Variants in FOXP1 observed in about 807,000 individuals in gnomAD.
FOXP1 encodes the protein forkhead box P1.
Under a neutral mutation model 98.2 loss-of-function variants are expected in FOXP1, and 15 were observed. The ratio of observed to expected loss-of-function variants is 0.15; its 90% CI spans 0.10 to 0.24. FOXP1 has a LOEUF of 0.24. FOXP1 is among the 10% of genes least tolerant of loss of function. The pLI, the probability that FOXP1 is intolerant of heterozygous loss-of-function variation, is 1.00. For missense variants in FOXP1, 633 were observed against 848.5 expected (o/e 0.75, Z 3.15); for synonymous variants, 371 against 314.5 (o/e 1.18, Z -1.90).
At chr3:71,412,814 T>A (rs1022604830) in intron 3 of FOXP1, among the ~76,000 whole-genome samples, 2 of 152,174 alleles carry the variant, frequency 1.3e-5, no homozygotes, top group African/African-American at 4.8e-5. Flanking sequence ...GTAATGCATA[T>A]ATTTTTTTAA....
chr3:71,353,775 C>T (rs989907512), intron 4 of FOXP1, among the ~76,000 whole-genome samples: 1 of 152,140 alleles, frequency 6.6e-6, no homozygotes, highest in African/African-American at 2.4e-5. Flanking sequence ...CCTCTCTCTG[C>T]TTCAGCTTTT....
At chr3:71,433,764 T>C (rs1233533588) in intron 3 of FOXP1, among the ~76,000 whole-genome samples, 1 of 152,112 alleles carries the variant, frequency 6.6e-6, no homozygotes, top group East Asian at 1.9e-4. Context: ...ATCCCCCACG[T>C]GAGTTTTCTC....
At chr3:71,559,663 C>T (rs986371312) in intron 2 of FOXP1, among the ~76,000 whole-genome samples, 3 of 152,112 alleles carry the variant, frequency 2.0e-5, no homozygotes, top group African/African-American at 7.2e-5. Flanking sequence ...CTGGGCAAAA[C>T]TGTGAAATCT....
intron 3 of FOXP1, among the ~76,000 whole-genome samples, chr3:71,416,367 C>T (rs1279103688): frequency 6.6e-6 from 1 of 152,014 alleles, no homozygotes; most frequent in Non-Finnish European, 1.5e-5. Context: ...AAGACCCCAT[C>T]TCTACAGACA....
chr3:71,556,438 G>A (rs991969247), intron 2 of FOXP1, among the ~76,000 whole-genome samples: 5 of 151,966 alleles, frequency 3.3e-5, no homozygotes, highest in Non-Finnish European at 7.4e-5. Flanking sequence ...TTAGCCGGGC[G>A]TGGTGGCAGG....
intron 5 of FOXP1, among the ~76,000 whole-genome samples, chr3:71,225,020 A>C (rs1489894652): frequency 2.6e-5 from 4 of 152,222 alleles, no homozygotes; most frequent in African/African-American, 9.6e-5. Flanking sequence ...CCTGCAATAA[A>C]ACACAGCCAC....
intron 3 of FOXP1, among the ~76,000 whole-genome samples, chr3:71,385,511 C>G (rs924366862): frequency 1.3e-5 from 2 of 152,162 alleles, no homozygotes; most frequent in Admixed American, 1.3e-4. Context: ...ACGCCTACCC[C>G]ACTCTTCCTC....
intron 7 of FOXP1, among the ~76,000 whole-genome samples, chr3:71,096,464 C>A (rs1176442530): frequency 6.6e-6 from 1 of 152,096 alleles, no homozygotes; most frequent in African/African-American, 2.4e-5. Flanking sequence ...GGATTGAAAA[C>A]CACTGACTAG....
At chr3:71,123,475 C>G (rs2058932850) in intron 6 of FOXP1, among the ~76,000 whole-genome samples, 1 of 152,224 alleles carries the variant, frequency 6.6e-6, no homozygotes, top group African/African-American at 2.4e-5. Flanking sequence ...GTCCCTCGTT[C>G]TCTGGTTCAG....
intron 5 of FOXP1, among the ~76,000 whole-genome samples, chr3:71,246,612 C>G (rs1305722070): frequency 6.6e-6 from 1 of 152,092 alleles, no homozygotes; most frequent in East Asian, 1.9e-4. Flanking sequence ...GGTTTTAACC[C>G]CAAATACCCA....
chr3:71,232,838 T>C (rs1389644672), intron 5 of FOXP1, among the ~76,000 whole-genome samples: 14 of 117,494 alleles, frequency 1.2e-4, no homozygotes, highest in African/African-American at 4.0e-4. Flanking sequence ...ATGGAAGTTA[T>C]AACGAGCTGA....
At chr3:71,243,347 A>C (rs895983288) in intron 5 of FOXP1, among the ~76,000 whole-genome samples, 1 of 152,220 alleles carries the variant, frequency 6.6e-6, no homozygotes, top group Non-Finnish European at 1.5e-5. Context: ...CAGTGCATGC[A>C]CAGAGATGAT....
At chr3:71,126,317 T>C (rs1471188453) in intron 6 of FOXP1, among the ~76,000 whole-genome samples, 2 of 133,986 alleles carry the variant, frequency 1.5e-5, no homozygotes, top group Non-Finnish European at 1.6e-5. Context: ...ACCCCGTCTC[T>C]ATTAAAAATA....
chr3:70,992,818 G>A (rs2040810612), intron 13 of FOXP1, among the ~76,000 whole-genome samples: 1 of 152,164 alleles, frequency 6.6e-6, no homozygotes, highest in African/African-American at 2.4e-5. Flanking sequence ...TTCACAGAAG[G>A]ACATGGAAGT....
At chr3:71,073,701 G>T (rs1559874332) in intron 7 of FOXP1, among the ~76,000 whole-genome samples, 1 of 152,192 alleles carries the variant, frequency 6.6e-6, no homozygotes, top group Non-Finnish European at 1.5e-5. Context: ...AATGTCTCCT[G>T]ATTTGAGAGC....
chr3:71,427,892 A>G (rs930816532), intron 3 of FOXP1, among the ~76,000 whole-genome samples: 3 of 152,208 alleles, frequency 2.0e-5, no homozygotes, highest in African/African-American at 7.2e-5. Context: ...CTATGTGGAG[A>G]TCTGAATGAA....
At chr3:71,278,783 AAAAC>A (rs774968882) in intron 5 of FOXP1, among the ~76,000 whole-genome samples, 7 of 152,240 alleles carry the variant, frequency 4.6e-5, no homozygotes, top group Non-Finnish European at 7.4e-5. Context: ...CTCCATCTCG[AAAAC>A]AAACAAACAA....
At chr3:71,283,278 G>C (rs1229205303) in intron 5 of FOXP1, among the ~76,000 whole-genome samples, 2 of 152,148 alleles carry the variant, frequency 1.3e-5, no homozygotes, top group African/African-American at 4.8e-5. Flanking sequence ...AGTGCCCCCA[G>C]TGTACTCCGG....
intron 3 of FOXP1, among the ~76,000 whole-genome samples, chr3:71,466,644 A>C (rs2088773938): frequency 6.6e-6 from 1 of 152,148 alleles, no homozygotes; most frequent in Non-Finnish European, 1.5e-5. Flanking sequence ...GCAGAAAACA[A>C]CACTGGACAA....
Sources: gnomAD v4.1 joint callset for allele counts (sites outside exome capture counted in the v4.1 genomes callset) on GRCh38, gnomAD v4.1.1 for gene constraint, MANE v1.5 for transcripts, NCBI Gene and HGNC (gene_info 2026-07-23, HGNC 2026-07-21) for gene names.